CA11: variants seen among roughly 807,000 people sequenced by gnomAD.
The protein encoded by CA11 is carbonic anhydrase-related protein 11.
CA11 carries 20 observed loss-of-function variants against 39.3 expected under a neutral mutation model. The ratio of observed to expected loss-of-function variants is 0.51; its 90% CI spans 0.36 to 0.74. The LOEUF (loss-of-function observed/expected upper bound fraction) is 0.74. CA11 is among the 30% of genes least tolerant of loss of function. The pLI, the probability that CA11 is intolerant of heterozygous loss-of-function variation, is 0.00. For synonymous variants in CA11, 166 were observed against 172.5 expected (o/e 0.96, Z 0.29); for missense variants, 336 against 424.6 (o/e 0.79, Z 1.83).
intron 2 of CA11, among the ~76,000 whole-genome samples, chr19:48,644,915 A>T (rs543735589): frequency 2.0e-5 from 3 of 152,032 alleles, no homozygotes; most frequent in Non-Finnish European, 2.9e-5. Context: ...ATCTTAAGCC[A>T]CTGTAGATGG....
rs1158154370 is a variant in CA11 at position 48,645,813 on chromosome 19, CTCT to C, written c.-184_-182del. On this transcript the variant is annotated 5_prime_UTR_variant, in exon 1 of 9. Coordinates refer to ENST00000084798, the MANE Select transcript of CA11 (RefSeq NM_001217.5). ...GACTGAGATCCGCCCTTCAAACCCACTCTTCTTCTCTCTCCCGTCTCTCTGTGT... is the reference window on the plus strand; with the variant it reads ...GACTGAGATCCGCCCTTCAAACCCACTCTTCTCTCTCCCGTCTCTCTGTGT... 3.3e-5 allele frequency: 18 copies of C among 547,398 alleles called. No homozygotes were observed. The highest frequency in any genetic ancestry group is 1.3e-4 in the East Asian group (4 of 30,396). The allele number at this position is 547,398 out of a possible 1,614,324, so 33.9% of individuals were successfully genotyped here. A position where few individuals can be genotyped will look rare whatever the true frequency, so the allele number is the denominator to read the frequency against.
chr19:48,642,723 G>A (rs868318669), intron 3 of CA11, among the ~76,000 whole-genome samples: 6 of 152,110 alleles, frequency 3.9e-5, no homozygotes, highest in South Asian at 2.1e-4. Context: ...AGGAGGGTAC[G>A]CCACCAGTCC....
At chr19:48,640,564 G>A (rs1247947975) in intron 3 of CA11, among the ~76,000 whole-genome samples, 1 of 151,472 alleles carries the variant, frequency 6.6e-6, no homozygotes, top group Non-Finnish European at 1.5e-5. Flanking sequence ...AGTAGAGACA[G>A]GGTTTCTCCA....
chr19:48,638,216 G>A (rs1379535728), intron 8 of CA11, 72 bp from the exon 9 acceptor site: 3 of 1,203,758 alleles, frequency 2.5e-6, no homozygotes, highest in Non-Finnish European at 3.2e-6. Flanking sequence ...CAGGGGGCGT[G>A]GGCTGCGCCG....
In CA11 at chr19:48,638,054, G is replaced by A; in HGVS notation, c.*65C>T. On this transcript the variant is annotated 3_prime_UTR_variant, in exon 9 of 9. Transcript: ENST00000084798. The stretch of plus-strand genomic sequence containing the variant: ...CTGTCCCTTTAATAGCTTTGTTTTA[G>A]GGGTAACTCCCCTCGCCTTGTGGGG... 2.4e-6 allele frequency: 3 copies of A among 1,246,310 alleles called. No homozygotes were observed. The highest frequency in any genetic ancestry group is 3.3e-6 in the Non-Finnish European group (3 of 922,588). The allele number at this position is 1,246,310 out of a possible 1,614,324, so 77.2% of individuals were successfully genotyped here. A position where few individuals can be genotyped will look rare whatever the true frequency, so the allele number is the denominator to read the frequency against.
intron 2 of CA11, among the ~76,000 whole-genome samples, 158 bp downstream of exon 2, chr19:48,645,245 C>T (rs919072811): frequency 6.6e-6 from 1 of 152,122 alleles, no homozygotes; most frequent in Non-Finnish European, 1.5e-5. Context: ...CATGGTGAGC[C>T]CCTGGGGTTC....
At chr19:48,645,133 C>G (rs760933793) in intron 2 of CA11, among the ~76,000 whole-genome samples, 4 of 152,166 alleles carry the variant, frequency 2.6e-5, no homozygotes, top group Admixed American at 6.5e-5. Context: ...CTAGCAGGAG[C>G]CAGGACCTTC....
intron 2 of CA11, 65 bp downstream of exon 2, chr19:48,645,338 G>A: frequency 6.3e-6 from 9 of 1,428,540 alleles, no homozygotes; most frequent in Non-Finnish European, 6.7e-6. Context: ...GGGAACCCAG[G>A]TTCCTGAGTC....
chr19:48,639,287 G>C lies in CA11; in HGVS notation c.795+18C>G, dbSNP rs2030983685. ...GGAGTACCCAGGCCTAGGAAGGGCG[G>C]TGCGGACAGAGGGTCACCTGAAGGG... On this transcript the variant is annotated intron_variant, in intron 7 of 8. Transcript: ENST00000084798. 3 of 1,612,178 alleles carry C rather than the reference G, an allele frequency of 1.9e-6. No homozygotes were observed. Among genetic ancestry groups the C allele is most frequent in the Non-Finnish European group, 2.5e-6 (3 of 1,179,086 alleles).
chr19:48,638,240 C>T, intron 8 of CA11, 96 bp from the exon 9 acceptor site: 1 of 1,202,170 alleles, frequency 8.3e-7, no homozygotes, highest in Non-Finnish European at 1.0e-6. Flanking sequence ...TGGGCCCTAC[C>T]GTCGGAAGTC....
intron 7 of CA11, 82 bp from the exon 8 acceptor site, chr19:48,639,135 A>G: frequency 1.9e-6 from 3 of 1,571,214 alleles, no homozygotes; most frequent in Non-Finnish European, 2.6e-6. Context: ...CGCCCCTGGG[A>G]GCAGGTGGGC....
chr19:48,638,332 CGTCCAGAT>C, intron 8 of CA11, 188 bp from the exon 9 acceptor site: 1 of 1,055,286 alleles, frequency 9.5e-7, no homozygotes, highest in South Asian at 4.5e-5. Flanking sequence ...GGAATCGGGA[CGTCCAGAT>C]TCAGCAGTAG....
rs758849958 is a variant in CA11 at position 48,645,364 on chromosome 19, C to A, written c.142+39G>T. On this transcript the variant is annotated intron_variant, in intron 2 of 8. Transcript: ENST00000084798. ...TTCCTGAGTCTGAAGAAGGAGGCGC[C>A]GGGAGGGCCGGACTCCTGGGTCCCC... 5.3e-5 allele frequency: 81 copies of A among 1,541,820 alleles called. No homozygotes were observed. In the Middle Eastern group the frequency reaches 6.7e-4, roughly 13 times the overall value.
At position 48,644,012 on chromosome 19, in the gene CA11, G is replaced by T. The variant is rs146627331; in HGVS notation, c.285+415C>A. Among the ~76,000 whole-genome samples, 575 of 151,976 alleles carry T rather than the reference G, an allele frequency of 3.8e-3. 6 individuals are homozygous for T. The highest frequency in any genetic ancestry group is 0.013 in the African/African-American group (552 of 41,444). ...CTCGGGAGGCTGGGGCAGGAGAATC[G>T]CTTGAACCTGGGAGGTGGAGGTTGC... On this transcript the variant is annotated intron_variant, in intron 3 of 8. Transcript: ENST00000084798.
chr19:48,641,901 GTCA>G (rs2031100300), intron 3 of CA11, among the ~76,000 whole-genome samples: 1 of 142,018 alleles, frequency 7.0e-6, no homozygotes, highest in Non-Finnish European at 1.5e-5. Context: ...CTGGGCTCAA[GTCA>G]TCATCCTGCC....
chr19:48,640,435 C>T (rs7253630), intron 3 of CA11, among the ~76,000 whole-genome samples, 155 bp from the exon 4 acceptor site: 21,872 of 135,200 alleles, frequency 0.16, 3,120 homozygotes, highest in African/African-American at 0.39. Flanking sequence ...AGTGCAGTGG[C>T]GTGATCTCGG....
chr19:48,639,297 A>T lies in CA11; in HGVS notation c.795+8T>A, dbSNP rs1045227937. ...GGCCTAGGAAGGGCGGTGCGGACAG[A>T]GGGTCACCTGAAGGGAGGTGATATT... On this transcript the variant is annotated splice_region_variant and intron_variant, in intron 7 of 8. Coordinates refer to ENST00000084798, the MANE Select transcript of CA11 (RefSeq NM_001217.5). 4 of 1,612,906 alleles carry T rather than the reference A, an allele frequency of 2.5e-6. No homozygotes were observed. In the African/African-American group the frequency reaches 5.3e-5, roughly 22 times the overall value.
In CA11 at chr19:48,643,820, G is replaced by A. The variant is rs1489223441; in HGVS notation, c.285+607C>T. Among the ~76,000 whole-genome samples, 2 of 152,054 alleles carry A rather than the reference G, an allele frequency of 1.3e-5. No homozygotes were observed. Among genetic ancestry groups the A allele is most frequent in the South Asian group, 2.1e-4 (1 of 4,814 alleles). ...ATAATTGTACCCATTTTGGCTGGAC[G>A]CAGTGGCTCATGCCTGTAATCCTAG... On this transcript the variant is annotated intron_variant, in intron 3 of 8. Coordinates refer to ENST00000084798, the MANE Select transcript of CA11 (RefSeq NM_001217.5). This position sits in a 1 kb window ranked among gnomAD's most constrained non-coding sequence, Gnocchi z 4.3.
intron 3 of CA11, among the ~76,000 whole-genome samples, chr19:48,641,400 G>C (rs1041859349): frequency 2.0e-5 from 3 of 152,238 alleles, no homozygotes; most frequent in African/African-American, 7.2e-5. Flanking sequence ...TATTGACTGA[G>C]CTGGTGCTAT....
Sources: gnomAD v4.1 joint callset for allele counts (sites outside exome capture counted in the v4.1 genomes callset) on GRCh38, gnomAD v4.1.1 for gene constraint, Gnocchi (gnomAD v3.1) non-coding constraint, MANE v1.5 for transcripts, NCBI Gene and HGNC (gene_info 2026-07-23, HGNC 2026-07-21) for gene names.